The following BRIP1 variants were observed in gnomAD, a reference collection of about 807,000 sequenced individuals.
BRIP1 encodes Fanconi anemia group J protein.
A neutral mutation model predicts 119.7 loss-of-function variants in BRIP1; 88 were observed. That is an observed-to-expected ratio of 0.74 (90% CI 0.62 to 0.88). The LOEUF (loss-of-function observed/expected upper bound fraction) is 0.88, where lower values mean the gene tolerates loss of function less well. Ranked by LOEUF, BRIP1 falls within the 40% of genes least tolerant of loss-of-function variation. BRIP1 has a pLI of 0.00. For missense variants in BRIP1, 1,259 were observed against 1,455.4 expected (o/e 0.87, Z 2.20); for synonymous variants, 443 against 496.5 (o/e 0.89, Z 1.43).
At position 61,683,870 on chromosome 17, in the gene BRIP1, G is replaced by A. The variant is rs1400975728; in HGVS notation, c.3176C>T (p.Thr1059Ile). 1.2e-6 allele frequency: 2 copies of A among 1,614,170 alleles called. No individual in the cohort carries two copies. The highest frequency in any genetic ancestry group is 1.1e-5 in the South Asian group (1 of 91,078). The change falls in exon 20 of 20, where the codon ACA (threonine) becomes ATA (isoleucine). Residue 1059 changes from threonine (T) to isoleucine (I), a missense_variant. By Grantham distance (89) the Thr-to-Ile change is moderately conservative (BLOSUM62 -1). Transcript: ENST00000259008. The surrounding 1 kb of genome is among the most constrained non-coding windows in gnomAD (Gnocchi z 4.7). ...GCATGATCCAAACGATGTGTTTACT[G>A]TCAGATTTGAGGATTCACATTTATC... ...FTDKCESSNLTVNTSFGSCPQ... is the reference protein window; with the variant it reads ...FTDKCESSNLIVNTSFGSCPQ...
intron 4 of BRIP1, among the ~76,000 whole-genome samples, chr17:61,855,774 G>C (rs999044765): frequency 7.9e-5 from 12 of 152,074 alleles, no homozygotes; most frequent in African/African-American, 2.4e-4. Context: ...CACCCTGCTA[G>C]AGTTCTAGGG....
chr17:61,854,026 A>G (rs1339656884), intron 4 of BRIP1, among the ~76,000 whole-genome samples: 1 of 152,160 alleles, frequency 6.6e-6, no homozygotes, highest in Non-Finnish European at 1.5e-5. Flanking sequence ...CTATAATCCC[A>G]GTGCTTTGGG....
chr17:61,801,156 T>A lies in BRIP1; in HGVS notation c.1140+97A>T. On this transcript the variant is annotated intron_variant, in intron 8 of 19. Coordinates refer to ENST00000259008, the MANE Select transcript of BRIP1 (RefSeq NM_032043.3). The stretch of plus-strand genomic sequence containing the variant: ...TTTACACAAATTTATTTACATAAAT[T>A]AAAGCAAAAAAAATTAAAACATCTA... The A allele has an allele frequency of 7.4e-6, 8 of 1,076,086 alleles. No individual in the cohort carries two copies. In the South Asian group the frequency reaches 1.1e-4, roughly 15 times the overall value. 66.7% of individuals were successfully genotyped at this position (1,076,086 alleles called of 1,614,324 possible).
intron 9 of BRIP1, among the ~76,000 whole-genome samples, chr17:61,797,655 TG>T (rs1030814393): frequency 2.1e-4 from 32 of 151,882 alleles, no homozygotes; most frequent in African/African-American, 6.5e-4. Flanking sequence ...AATGGCAAAA[TG>T]GGGTGGAAAG....
Position 61,681,193 on chromosome 17 carries a change from A to G in BRIP1, c.*2103T>C. On this transcript the variant is annotated 3_prime_UTR_variant, in exon 20 of 20. Transcript: ENST00000259008. This position sits in a 1 kb window ranked among gnomAD's most constrained non-coding sequence, Gnocchi z 5.1. ...TCGGGATTATGGGAACTACAATTCAAGATGAGATCTGGCTGGGGACATAGC... is the reference window on the plus strand; with the variant it reads ...TCGGGATTATGGGAACTACAATTCAGGATGAGATCTGGCTGGGGACATAGC... The G allele has an allele frequency of 5.5e-6, 1 of 182,026 alleles. No individual in the cohort carries two copies. Among genetic ancestry groups the G allele is most frequent in the East Asian group, 8.5e-5 (1 of 11,702 alleles). The allele number at this position is 182,026 out of a possible 1,614,324, so 11.3% of individuals were successfully genotyped here.
intron 16 of BRIP1, among the ~76,000 whole-genome samples, chr17:61,723,813 C>CA (rs561975964): frequency 1.8e-4 from 27 of 152,122 alleles, no homozygotes; most frequent in Non-Finnish European, 3.4e-4. Flanking sequence ...AGGAAAAAGA[C>CA]AAACTATTTT....
chr17:61,835,334 A>G (rs1402139925), intron 6 of BRIP1, among the ~76,000 whole-genome samples: 1 of 152,290 alleles, frequency 6.6e-6, no homozygotes, highest in East Asian at 1.9e-4. Context: ...GCAAAGGACA[A>G]GACAACTACT....
Position 61,753,151 on chromosome 17 carries a change from A to G in BRIP1, c.2098-8560T>C, listed in dbSNP as rs929937411. 1.3e-5 allele frequency among the ~76,000 whole-genome samples: 2 copies of G among 152,110 alleles called. No individual in the cohort carries two copies. The highest frequency in any genetic ancestry group is 2.9e-5 in the Non-Finnish European group (2 of 68,012). ...ATACTCAGCCTCCTTGCCCTGTGAT[A>G]CTCTGAGCCACCCTGGGACTCAGCA... On this transcript the variant is annotated intron_variant, in intron 14 of 19. Transcript: ENST00000259008. This position sits in a 1 kb window ranked among gnomAD's most constrained non-coding sequence, Gnocchi z 4.6.
In BRIP1 at chr17:61,689,789, T is replaced by C. The variant is rs1204573177; in HGVS notation, c.2576-3624A>G. ...ACTTTGGGAGGCAGAGGTAGGAGAA[T>C]TGCTTGAGCCGAGGAGTTTGAGATT... On this transcript the variant is annotated intron_variant, in intron 18 of 19. Transcript: ENST00000259008. The surrounding 1 kb of genome is among the most constrained non-coding windows in gnomAD (Gnocchi z 4.5). 1.3e-5 allele frequency among the ~76,000 whole-genome samples: 2 copies of C among 152,178 alleles called. No individual in the cohort carries two copies. Among genetic ancestry groups the C allele is most frequent in the Admixed American group, 6.5e-5 (1 of 15,284 alleles).
intron 8 of BRIP1, among the ~76,000 whole-genome samples, chr17:61,800,658 A>C (rs1292764412): frequency 6.6e-6 from 1 of 152,218 alleles, no homozygotes; most frequent in African/African-American, 2.4e-5. Context: ...CAGAAGGAAG[A>C]GATCTAGTTA....
In BRIP1 at chr17:61,730,062, ACT is replaced by A. The variant is rs2076823941; in HGVS notation, c.2379+12949_2379+12950del. Among the ~76,000 whole-genome samples the A allele has an allele frequency of 6.6e-6, 1 of 152,228 alleles. No homozygotes were observed. Among genetic ancestry groups the A allele is most frequent in the African/African-American group, 2.4e-5 (1 of 41,482 alleles). ...TATACTTGATGCAGTAGGAAAATAC[ACT>A]GAGTTATTTGTATAGCTTACTATAG... is the stretch of plus-strand genomic sequence containing the variant. On this transcript the variant is annotated intron_variant, in intron 16 of 19. Coordinates refer to ENST00000259008, the MANE Select transcript of BRIP1 (RefSeq NM_032043.3). This position sits in a 1 kb window ranked among gnomAD's most constrained non-coding sequence, Gnocchi z 4.3.
At chr17:61,698,809 G>C (rs1024922437) in intron 17 of BRIP1, among the ~76,000 whole-genome samples, 2 of 151,704 alleles carry the variant, frequency 1.3e-5, no homozygotes, top group Non-Finnish European at 2.9e-5. Flanking sequence ...CAACTTCCTG[G>C]GCTCAGGTGA....
intron 14 of BRIP1, among the ~76,000 whole-genome samples, chr17:61,750,061 G>A (rs114175838): frequency 6.6e-5 from 10 of 152,182 alleles, no homozygotes; most frequent in Admixed American, 2.6e-4. Context: ...CTAGTACTAC[G>A]TTATACAGAA....
Position 61,772,190 on chromosome 17 carries a change from TATATATATATATATATATAA to T in BRIP1, c.2097+4191_2097+4210del, listed in dbSNP as rs1247665703. Among the ~76,000 whole-genome samples, 64 of 124,446 alleles carry T rather than the reference TATATATATATATATATATAA, an allele frequency of 5.1e-4. 1 individual carries two copies. In the East Asian group the frequency reaches 5.5e-3, roughly 11 times the overall value. The allele number at this position is 124,446 out of a possible 152,430, so 81.6% of individuals were successfully genotyped here. A position where few individuals can be genotyped will look rare whatever the true frequency, so the allele number is the denominator to read the frequency against. ...ATATATATATATATATATATATATA[TATATATATATATATATATAA>T]AATGAAATATTATTCTGCCATAAAA... On this transcript the variant is annotated intron_variant, in intron 14 of 19. Transcript: ENST00000259008.
rs1015669355 is a variant in BRIP1, at chr17:61,815,290, C to T, written c.628-6533G>A. ...TGGGCTATTACAGATCACCCAGAAA[C>T]TACAGACACAATTTTGTGTGCATTT... is the stretch of plus-strand genomic sequence containing the variant. On this transcript the variant is annotated intron_variant, in intron 6 of 19. Transcript: ENST00000259008. This position sits in a 1 kb window ranked among gnomAD's most constrained non-coding sequence, Gnocchi z 4.1. Among the ~76,000 whole-genome samples the T allele has an allele frequency of 1.8e-4, 27 of 152,198 alleles. No individual in the cohort carries two copies. The highest frequency in any genetic ancestry group is 6.5e-4 in the African/African-American group (27 of 41,556).
At position 61,683,997 on chromosome 17, in the gene BRIP1, G is replaced by A. The variant is rs868277916; in HGVS notation, c.3049C>T (p.Pro1017Ser). ...GACCCGAGCTCAGGTGTTGCCTTCG[G>A]TATTTTACCAGTAAAATACTGTCCC... ...SLGQYFTGKIPKATPELGSSE... is the reference protein window; with the variant it reads ...SLGQYFTGKISKATPELGSSE... The change falls in exon 20 of 20, where the codon CCG becomes TCG. Residue 1017 changes from proline (P) to serine (S), a missense_variant. Coordinates refer to ENST00000259008, the MANE Select transcript of BRIP1 (RefSeq NM_032043.3). The surrounding 1 kb of genome is among the most constrained non-coding windows in gnomAD (Gnocchi z 4.7). The A allele has an allele frequency of 1.9e-6, 3 of 1,614,100 alleles. No individual in the cohort carries two copies. In the South Asian group the frequency reaches 3.3e-5, roughly 18 times the overall value.
In BRIP1 at chr17:61,695,280, CA is replaced by C. The variant is rs1296090547; in HGVS notation, c.2493-1769del. Reference sequence around the variant, plus strand: ...CTTTGAGTTGTCTTGGCACTCTTGTCAAAAACCAGTTCACTGTAGATGTATG... The same window carrying C: ...CTTTGAGTTGTCTTGGCACTCTTGTCAAAACCAGTTCACTGTAGATGTATG... On this transcript the variant is annotated intron_variant, in intron 17 of 19. Coordinates refer to ENST00000259008, the MANE Select transcript of BRIP1 (RefSeq NM_032043.3). This position sits in a 1 kb window ranked among gnomAD's most constrained non-coding sequence, Gnocchi z 4.3. Among the ~76,000 whole-genome samples, 3 of 152,064 alleles carry C rather than the reference CA, an allele frequency of 2.0e-5. No homozygotes were observed. The highest frequency in any genetic ancestry group is 7.2e-5 in the African/African-American group (3 of 41,422).
At chr17:61,711,883 A>T (rs1166347633) in intron 17 of BRIP1, among the ~76,000 whole-genome samples, 2 of 151,782 alleles carry the variant, frequency 1.3e-5, no homozygotes, top group African/African-American at 4.8e-5. Context: ...AAATAATAAT[A>T]ATAATAAAAA....
rs2078842499 is a variant in BRIP1, at chr17:61,852,891, G to A, written c.380-3635C>T. 6.6e-6 allele frequency among the ~76,000 whole-genome samples: 1 copy of A among 152,090 alleles called. No homozygotes were observed. The highest frequency in any genetic ancestry group is 1.5e-5 in the Non-Finnish European group (1 of 68,016). Reference sequence around the variant, plus strand: ...TTCATATACTGCTGCAGGGGTTGGAGGGATCTGACCGGGGACGCATAAATT... The same window carrying A: ...TTCATATACTGCTGCAGGGGTTGGAAGGATCTGACCGGGGACGCATAAATT... On this transcript the variant is annotated intron_variant, in intron 4 of 19. Coordinates refer to ENST00000259008, the MANE Select transcript of BRIP1 (RefSeq NM_032043.3). The surrounding 1 kb of genome is among the most constrained non-coding windows in gnomAD (Gnocchi z 4.9).
Sources: allele counts gnomAD v4.1 joint callset (sites outside exome capture counted in the v4.1 genomes callset), GRCh38; gene constraint gnomAD v4.1.1; non-coding constraint Gnocchi (gnomAD v3.1); transcripts MANE v1.5; gene names NCBI Gene and HGNC (gene_info 2026-07-23, HGNC 2026-07-21).